Variants in TUSC3 observed in about 807,000 individuals in gnomAD.
TUSC3 encodes the protein tumor suppressor candidate 3, also known as dolichyl-diphosphooligosaccharide--protein glycosyltransferase subunit TUSC3.
A neutral mutation model predicts 44.8 loss-of-function variants in TUSC3; 45 were observed. The ratio of observed to expected loss-of-function variants is 1.00; its 90% CI spans 0.79 to 1.29. The LOEUF (loss-of-function observed/expected upper bound fraction) is 1.29, where lower values mean the gene tolerates loss of function less well. Among genes scored for constraint, TUSC3 ranks in the 50% most tolerant of loss-of-function variants. The pLI, the probability that TUSC3 is intolerant of heterozygous loss-of-function variation, is 0.00. For missense variants in TUSC3, 519 were observed against 437.9 expected, an observed-to-expected ratio of 1.19 and a Z score of -1.65; for synonymous variants, 212 against 152.9, an observed-to-expected ratio of 1.39 and a Z score of -2.85.
At position 15,501,981 on chromosome 8, in the gene TUSC3, T is replaced by C. The variant is rs112372574; in HGVS notation, n.189+18498T>C. ...CTATTCCTTCTGACGTTTACCTTTA[T>C]GTTTCTAAGTAATATGCTCATTATG... On this transcript the variant is annotated intron_variant and non_coding_transcript_variant, in intron 2 of 5. Transcript: ENST00000503191. Among the ~76,000 whole-genome samples, 683 of 152,346 alleles carry C rather than the reference T, an allele frequency of 4.5e-3. 4 individuals are homozygous for C. The highest frequency in any genetic ancestry group is 0.015 in the African/African-American group (644 of 41,588).
chr8:15,449,690 C>T (rs879621500), intron 1 of TUSC3, among the ~76,000 whole-genome samples: 3 of 152,150 alleles, frequency 2.0e-5, no homozygotes, highest in African/African-American at 7.2e-5. Flanking sequence ...TCCCTTTGAT[C>T]GCAAGGAGTC....
At chr8:15,473,989 T>G (rs1341213543) in intron 1 of TUSC3, among the ~76,000 whole-genome samples, 1 of 152,110 alleles carries the variant, frequency 6.6e-6, no homozygotes, top group Non-Finnish European at 1.5e-5. Context: ...GGTCCTTATC[T>G]CAACCACTTA....
At chr8:15,831,619 T>C in the TUSC3 span, among the ~76,000 whole-genome samples, 3 of 152,072 alleles carry the variant, frequency 2.0e-5, no homozygotes, top group East Asian at 1.9e-4. Context: ...AACAACCTGA[T>C]AGAGCTGAAA....
chr8:15,449,046 G>A (rs1281982122), intron 1 of TUSC3, among the ~76,000 whole-genome samples: 1 of 152,128 alleles, frequency 6.6e-6, no homozygotes, highest in Non-Finnish European at 1.5e-5. Context: ...TGAAGAATGA[G>A]GACATCTATA....
chr8:15,723,395 G>T (rs1435181039), intron 6 of TUSC3, among the ~76,000 whole-genome samples: 1 of 152,100 alleles, frequency 6.6e-6, no homozygotes, highest in East Asian at 1.9e-4. Flanking sequence ...TTTCTCTGTT[G>T]TAATCATTTT....
Position 15,439,085 on chromosome 8 carries a change from A to G in TUSC3, n.91+21780A>G, listed in dbSNP as rs551815876. ...ACGGCACTGTGACCTTAGTCTGGGA[A>G]TGCAACTCGTCCATATACATCCATC... On this transcript the variant is annotated intron_variant and non_coding_transcript_variant, in intron 1 of 5. Coordinates refer to the TUSC3 transcript ENST00000503191. Among the ~76,000 whole-genome samples the G allele has an allele frequency of 2.5e-4, 38 of 152,272 alleles. No homozygotes were observed. In the South Asian group the frequency reaches 7.9e-3, roughly 32 times the overall value.
intron 6 of TUSC3, among the ~76,000 whole-genome samples, chr8:15,683,303 C>T (rs1305107041): frequency 6.6e-6 from 1 of 152,186 alleles, no homozygotes; most frequent in Non-Finnish European, 1.5e-5. Flanking sequence ...GGTTGTTTTA[C>T]ACAATCTCTT....
chr8:15,743,526 C>T lies in TUSC3; in HGVS notation c.863-12C>T, dbSNP rs749280345. The stretch of plus-strand genomic sequence containing the variant: ...ACATCTATGTCTACGGCTTCCTTGA[C>T]AACTACTGCAGATGCCGCTATCACC... On this transcript the variant is annotated splice_polypyrimidine_tract_variant and intron_variant, in intron 7 of 10. Coordinates refer to ENST00000503731, the MANE Select transcript of TUSC3 (RefSeq NM_006765.4). 1.2e-6 allele frequency: 2 copies of T among 1,613,720 alleles called. No individual in the cohort carries two copies. Among genetic ancestry groups the T allele is most frequent in the African/African-American group, 1.3e-5 (1 of 75,044 alleles).
chr8:15,523,509 AG>A (rs1801325029), intron 2 of TUSC3, among the ~76,000 whole-genome samples: 1 of 151,824 alleles, frequency 6.6e-6, no homozygotes, highest in Non-Finnish European at 1.5e-5. Flanking sequence ...CCAAATTCTA[AG>A]ATCACCCATC....
chr8:15,728,864 T>C (rs1810602341), intron 6 of TUSC3, among the ~76,000 whole-genome samples: 2 of 152,022 alleles, frequency 1.3e-5, no homozygotes, highest in African/African-American at 4.8e-5. Context: ...GCCAATGAGG[T>C]AGACTCATCC....
At chr8:15,545,735 C>G (rs901085902) in intron 1 of TUSC3, among the ~76,000 whole-genome samples, 2 of 151,394 alleles carry the variant, frequency 1.3e-5, no homozygotes, top group Non-Finnish European at 3.0e-5. Flanking sequence ...AAACATAACT[C>G]AAGCTAAAGA....
intron 9 of TUSC3, among the ~76,000 whole-genome samples, chr8:15,753,995 C>T (rs1445657664): frequency 2.6e-5 from 4 of 152,142 alleles, no homozygotes; most frequent in Admixed American, 1.3e-4. Context: ...CTTTTCCCAT[C>T]GAATTATCCT....
rs190547142 is a variant in TUSC3 at position 15,606,421 on chromosome 8, A to G, written c.139-16659A>G. ...GTCAGCAGTAAGCTTTTAGTAGTCA[A>G]TTTTTGGGGAGTGAACACTTAACAC... is the stretch of plus-strand genomic sequence containing the variant. On this transcript the variant is annotated intron_variant, in intron 1 of 10. Coordinates refer to ENST00000503731, the MANE Select transcript of TUSC3 (RefSeq NM_006765.4). Among the ~76,000 whole-genome samples, 69 of 152,136 alleles carry G rather than the reference A, an allele frequency of 4.5e-4. 1 individual carries two copies. The highest frequency in any genetic ancestry group is 3.4e-3 in the Middle Eastern group (1 of 294).
intron 1 of TUSC3, among the ~76,000 whole-genome samples, chr8:15,592,223 G>C (rs1803873433): frequency 6.6e-6 from 1 of 152,194 alleles, no homozygotes; most frequent in African/African-American, 2.4e-5. Flanking sequence ...CAGAAATTCA[G>C]TTTGGATCTG....
chr8:15,621,521 T>A (rs12679666), intron 1 of TUSC3, among the ~76,000 whole-genome samples: 30,052 of 99,862 alleles, frequency 0.3, 3,033 homozygotes, highest in Middle Eastern at 0.37. Context: ...ATATGTAAAA[T>A]ATATATATAT....
intron 1 of TUSC3, among the ~76,000 whole-genome samples, chr8:15,472,367 C>T (rs758193648): frequency 2.6e-5 from 4 of 152,130 alleles, no homozygotes; most frequent in African/African-American, 4.8e-5. Context: ...ACTTTTCTAT[C>T]TAGAAAGTTA....
At chr8:15,453,049 A>G (rs1800214669) in intron 1 of TUSC3, among the ~76,000 whole-genome samples, 1 of 152,164 alleles carries the variant, frequency 6.6e-6, no homozygotes, top group Non-Finnish European at 1.5e-5. Context: ...TAGAAACAGT[A>G]TCTAGGATTA....
At chr8:15,695,516 C>G (rs978086184) in intron 6 of TUSC3, among the ~76,000 whole-genome samples, 1 of 152,098 alleles carries the variant, frequency 6.6e-6, no homozygotes, top group South Asian at 2.1e-4. Flanking sequence ...CGGACTAATA[C>G]AGTAAATTGG....
At chr8:15,519,978 C>T (rs1393521402) in intron 2 of TUSC3, among the ~76,000 whole-genome samples, 2 of 152,182 alleles carry the variant, frequency 1.3e-5, no homozygotes, top group Non-Finnish European at 2.9e-5. Context: ...TTAGCAATCT[C>T]TTTGCTCACT....
Sources: allele counts gnomAD v4.1 joint callset (sites outside exome capture counted in the v4.1 genomes callset), GRCh38; gene constraint gnomAD v4.1.1; transcripts MANE v1.5; gene names NCBI Gene and HGNC (gene_info 2026-07-23, HGNC 2026-07-21).